TEKT5: variants seen among roughly 807,000 people sequenced by gnomAD.
TEKT5 encodes tektin 5.
In TEKT5, 52 loss-of-function variants were observed where a neutral mutation model predicts 48.7. That is an observed-to-expected ratio of 1.07 (90% CI 0.86 to 1.35). TEKT5 has a LOEUF of 1.35. Among genes scored for constraint, TEKT5 ranks in the 40% most tolerant of loss-of-function variants. The pLI is 0.00. For missense variants in TEKT5, 831 were observed against 641.6 expected (o/e 1.30, Z -3.19); for synonymous variants, 318 against 267.6 (o/e 1.19, Z -1.84).
At position 10,627,642 on chromosome 16, in the gene TEKT5, TCTC is replaced by T; in HGVS notation, c.1396_1398del (p.Glu466del). 3 of 1,614,170 alleles carry T rather than the reference TCTC, an allele frequency of 1.9e-6. No homozygotes were observed. The highest frequency in any genetic ancestry group is 2.5e-6 in the Non-Finnish European group (3 of 1,180,014). ...AAGGTCTTACGCATGCCCATGCACT[TCTC>T]CTTGTCGATGCAGAGGGTGTTGGCC... is the stretch of plus-strand genomic sequence containing the variant. On this transcript the variant is annotated inframe_deletion, in exon 7 of 7. Coordinates refer to ENST00000283025, the MANE Select transcript of TEKT5 (RefSeq NM_144674.2).
At chr16:10,656,975 G>C (rs995477608) in intron 5 of TEKT5, among the ~76,000 whole-genome samples, 2 of 152,144 alleles carry the variant, frequency 1.3e-5, no homozygotes, top group South Asian at 4.1e-4. Context: ...CTGGGCTCAA[G>C]TGATCCTCCC....
Position 10,694,416 on chromosome 16 carries a change from G to C in TEKT5, c.458C>G (p.Ser153Ter), listed in dbSNP as rs746041879. ...QRLSDIGFWK[S>*]ELSYELDRLL... ...CCTGTCCAGCTCATAGCTCAGCTCT[G>C]ACTTCCAGAAGCCAATGTCCGACAG... Residue 153 changes from serine to a stop codon, truncating the protein, a stop_gained, in exon 1 of 7, where the codon TCA becomes TGA. Transcript: ENST00000283025. LOFTEE classifies it high-confidence loss of function. The C allele has an allele frequency of 6.2e-7, 1 of 1,614,142 alleles. No homozygotes were observed. The highest frequency in any genetic ancestry group is 1.1e-5 in the South Asian group (1 of 91,080).
At chr16:10,688,964 C>A (rs1898914355) in intron 3 of TEKT5, among the ~76,000 whole-genome samples, 1 of 152,206 alleles carries the variant, frequency 6.6e-6, no homozygotes. Flanking sequence ...ACAAGAGAAA[C>A]CAGCGATGCA....
rs1899044477 is a variant in TEKT5, at chr16:10,694,561, C to G, written c.313G>C (p.Ala105Pro). The G allele has an allele frequency of 7.5e-6, 12 of 1,602,360 alleles. No individual in the cohort carries two copies. The East Asian group carries it at 2.7e-4, about 36-fold the overall frequency. ...CTGGCCCACAGCCGGGAGGCCTCGGCCCCACGCACCTGCAGCTGGTTGGAC... is the reference window on the plus strand; with the variant it reads ...CTGGCCCACAGCCGGGAGGCCTCGGGCCCACGCACCTGCAGCTGGTTGGAC... ...DQSNQLQVRG[A>P]EASRLWASRL... Residue 105 changes from alanine (A) to proline (P), a missense_variant, in exon 1 of 7, where the codon GCC becomes CCC. Ala to Pro is a conservative substitution (Grantham distance 27). Coordinates refer to ENST00000283025, the MANE Select transcript of TEKT5 (RefSeq NM_144674.2).
At position 10,627,625 on chromosome 16, in the gene TEKT5, A is replaced by G. The variant is rs1897771017; in HGVS notation, c.1416T>C (p.Arg472=). 2.5e-6 allele frequency: 4 copies of G among 1,614,184 alleles called. No homozygotes were observed. Among genetic ancestry groups the G allele is most frequent in the Non-Finnish European group, 3.4e-6 (4 of 1,180,022 alleles). ...CIDKEKCMGM[R]KTFPCTPRLV... is the part of the protein sequence containing the mutation. ...GGCGCGGGGTGCAGGGGAAGGTCTT[A>G]CGCATGCCCATGCACTTCTCCTTGT... The change falls in exon 7 of 7, where the codon CGT becomes CGC. Residue 472 remains arginine, a synonymous_variant. Coordinates refer to ENST00000283025, the MANE Select transcript of TEKT5 (RefSeq NM_144674.2).
intron 5 of TEKT5, 84 bp downstream of exon 5, chr16:10,675,875 G>A: frequency 7.2e-7 from 1 of 1,396,296 alleles, no homozygotes; most frequent in African/African-American, 1.4e-5. Context: ...GGCAGGGCCA[G>A]CTTGGCCCAG....
At chr16:10,675,507 C>T (rs1898628522) in intron 5 of TEKT5, among the ~76,000 whole-genome samples, 1 of 152,178 alleles carries the variant, frequency 6.6e-6, no homozygotes, top group Non-Finnish European at 1.5e-5. Context: ...AAAAGCACCC[C>T]ACCCCTCAGC....
intron 3 of TEKT5, 23 bp downstream of exon 3, chr16:10,689,230 T>C (rs1470802651): frequency 6.4e-7 from 1 of 1,556,180 alleles, no homozygotes; most frequent in South Asian, 1.2e-5. Flanking sequence ...GGAGAGGGAA[T>C]TAAAAAAAAA....
At chr16:10,660,312 G>A (rs1864905430) in intron 5 of TEKT5, among the ~76,000 whole-genome samples, 1 of 152,182 alleles carries the variant, frequency 6.6e-6, no homozygotes, top group South Asian at 2.1e-4. Context: ...GTGGCAGGTG[G>A]CTCTTTGGGC....
At chr16:10,656,312 C>G (rs1276188392) in intron 5 of TEKT5, among the ~76,000 whole-genome samples, 2 of 152,190 alleles carry the variant, frequency 1.3e-5, no homozygotes, top group East Asian at 3.8e-4. Flanking sequence ...AATGCAGTGG[C>G]GTGATGTCAG....
At chr16:10,694,169 G>A (rs775606239) in intron 1 of TEKT5, 141 bp downstream of exon 1, 152 of 743,726 alleles carry the variant, frequency 2.0e-4, no homozygotes, top group Middle Eastern at 3.9e-4. Context: ...GACTAAGATT[G>A]TATTACTGAT....
chr16:10,673,944 G>A (rs899801020), intron 5 of TEKT5, among the ~76,000 whole-genome samples: 4 of 151,912 alleles, frequency 2.6e-5, no homozygotes, highest in South Asian at 2.1e-4. Flanking sequence ...GAACCACCAC[G>A]CCCGGCCGCT....
At chr16:10,652,414 C>T (rs1469889514) in intron 5 of TEKT5, among the ~76,000 whole-genome samples, 3 of 150,642 alleles carry the variant, frequency 2.0e-5, no homozygotes, top group Non-Finnish European at 3.0e-5. Flanking sequence ...CACACACCCT[C>T]CAGGCCAGGT....
intron 5 of TEKT5, among the ~76,000 whole-genome samples, chr16:10,648,787 G>A (rs2541547): frequency 0.025 from 3,803 of 152,318 alleles, 119 homozygotes; most frequent in African/African-American, 0.074. Flanking sequence ...TTCACAAAGA[G>A]CAGCTTCAGC....
At chr16:10,639,567 T>C (rs74007185) in intron 5 of TEKT5, among the ~76,000 whole-genome samples, 3,431 of 152,334 alleles carry the variant, frequency 0.023, 132 homozygotes, top group African/African-American at 0.079. Flanking sequence ...GAATACTGCA[T>C]GTGCAGCTTT....
At chr16:10,660,077 G>A (rs1455759812) in intron 5 of TEKT5, among the ~76,000 whole-genome samples, 1 of 152,072 alleles carries the variant, frequency 6.6e-6, no homozygotes, top group Non-Finnish European at 1.5e-5. Context: ...GATATCACAG[G>A]CAACATTCTG....
At chr16:10,684,569 G>C (rs1240003893) in intron 3 of TEKT5, among the ~76,000 whole-genome samples, 2 of 152,094 alleles carry the variant, frequency 1.3e-5, no homozygotes, top group Non-Finnish European at 2.9e-5. Flanking sequence ...TTCCAAATTG[G>C]CAGAGTCCTG....
chr16:10,678,187 C>A (rs1898681957), intron 4 of TEKT5, among the ~76,000 whole-genome samples: 1 of 152,184 alleles, frequency 6.6e-6, no homozygotes, highest in African/African-American at 2.4e-5. Flanking sequence ...CAACCTCTGT[C>A]TCCCACGTTC....
At chr16:10,630,241 A>ATT (rs555943042) in intron 6 of TEKT5, among the ~76,000 whole-genome samples, 5 of 144,808 alleles carry the variant, frequency 3.5e-5, no homozygotes, top group South Asian at 2.2e-4. Flanking sequence ...GCTGATTTTA[A>ATT]TTTTTTTTTT....
Sources: allele counts gnomAD v4.1 joint callset (sites outside exome capture counted in the v4.1 genomes callset), GRCh38; gene constraint gnomAD v4.1.1; transcripts MANE v1.5; gene names NCBI Gene and HGNC (gene_info 2026-07-23, HGNC 2026-07-21).